Variants in SS18L2 observed in about 807,000 individuals in gnomAD.
SS18L2 encodes the protein SS18-like protein 2.
Under a neutral mutation model 10.3 loss-of-function variants are expected in SS18L2, and 8 were observed. The ratio of observed to expected loss-of-function variants is 0.78; its 90% CI spans 0.46 to 1.41. The LOEUF is 1.41. Ranked by LOEUF, SS18L2 falls within the 40% of genes most tolerant of loss-of-function variation. The pLI, the probability that SS18L2 is intolerant of heterozygous loss-of-function variation, is 0.00. For missense variants in SS18L2, 100 were observed against 96.2 expected, an observed-to-expected ratio of 1.04 and a Z score of -0.17; for synonymous variants, 41 against 34.6, an observed-to-expected ratio of 1.19 and a Z score of -0.65.
intron 2 of SS18L2, among the ~76,000 whole-genome samples, chr3:42,592,064 A>G (rs1704870904): frequency 6.6e-6 from 1 of 152,230 alleles, no homozygotes; most frequent in African/African-American, 2.4e-5. Context: ...AGACAAACAA[A>G]GGATTTACAA....
At chr3:42,584,411 C>T (rs569920692) in intron 1 of SS18L2, among the ~76,000 whole-genome samples, 13 of 152,268 alleles carry the variant, frequency 8.5e-5, no homozygotes, top group African/African-American at 1.2e-4. Context: ...TCTGCCAACA[C>T]GCCCAGCTAA....
At chr3:42,590,291 C>A (rs1704773558), upstream of SS18L2, among the ~76,000 whole-genome samples, 1 of 152,132 alleles carries the variant, frequency 6.6e-6, no homozygotes, top group African/African-American at 2.4e-5. Flanking sequence ...GTAGAGAGGA[C>A]AATGGATCTG....
At chr3:42,591,003 A>G in intron 1 of SS18L2, 37 bp downstream of exon 1, 1 of 1,556,342 alleles carries the variant, frequency 6.4e-7, no homozygotes, top group Non-Finnish European at 8.7e-7. Context: ...GGGCGGAGAG[A>G]AGTCGGGATC....
intron 2 of SS18L2, among the ~76,000 whole-genome samples, chr3:42,592,129 C>T (rs538181141): frequency 8.5e-5 from 13 of 152,112 alleles, no homozygotes; most frequent in South Asian, 2.1e-4. Flanking sequence ...TAAGTAGATA[C>T]CAAAATGAGA....
In SS18L2 at chr3:42,591,551, C is replaced by G. The variant is rs1234424586; in HGVS notation, c.96C>G (p.Ile32Met). 6.2e-7 allele frequency: 1 copy of G among 1,613,926 alleles called. No individual in the cohort carries two copies. The highest frequency in any genetic ancestry group is 8.5e-7 in the Non-Finnish European group (1 of 1,179,848). The change falls in exon 2 of 3, where the codon ATC becomes ATG. Residue 32 changes from isoleucine (I) to methionine (M), a missense_variant. Ile to Met is a conservative substitution (Grantham distance 10). Transcript: ENST00000011691. ...TCCTTGAGGAGAATGACCAGCTGATCCGCTGTATTGTGGAGTATCAGAACA... is the reference window on the plus strand; with the variant it reads ...TCCTTGAGGAGAATGACCAGCTGATGCGCTGTATTGTGGAGTATCAGAACA... ...QRLLEENDQL[I>M]RCIVEYQNKG...
chr3:42,584,898 G>T (rs190597117), intron 1 of SS18L2, among the ~76,000 whole-genome samples: 1 of 152,130 alleles, frequency 6.6e-6, no homozygotes, highest in African/African-American at 2.4e-5. Context: ...CACTTTGGGA[G>T]GCCAAGGTGG....
chr3:42,593,549 G>A (rs1358821513), intron 2 of SS18L2, among the ~76,000 whole-genome samples: 1 of 152,136 alleles, frequency 6.6e-6, no homozygotes, highest in Non-Finnish European at 1.5e-5. Context: ...GGAGGGAGGT[G>A]TCCTGGAACC....
intron 1 of SS18L2, among the ~76,000 whole-genome samples, chr3:42,583,044 T>G (rs1199360458): frequency 1.3e-5 from 2 of 151,812 alleles, no homozygotes; most frequent in Non-Finnish European, 2.9e-5. Flanking sequence ...AAACTCAGAG[T>G]TTAGAGAATA....
At chr3:42,591,782 G>A (rs1241614063) in intron 2 of SS18L2, among the ~76,000 whole-genome samples, 181 bp downstream of exon 2, 2 of 152,248 alleles carry the variant, frequency 1.3e-5, no homozygotes, top group South Asian at 2.1e-4. Flanking sequence ...AGTACACTGC[G>A]GAGCCTGGAG....
At chr3:42,592,335 G>A (rs1704879692) in intron 2 of SS18L2, among the ~76,000 whole-genome samples, 1 of 152,012 alleles carries the variant, frequency 6.6e-6, no homozygotes. Context: ...GAGTAGCTGG[G>A]ACTACAGGCG....
Position 42,596,239 on chromosome 3 carries a change from C to T in SS18L2, c.*1730C>T, listed in dbSNP as rs967833050. Among the ~76,000 whole-genome samples the T allele has an allele frequency of 4.6e-5, 7 of 152,144 alleles. No homozygotes were observed. Among genetic ancestry groups the T allele is most frequent in the African/African-American group, 1.7e-4 (7 of 41,418 alleles). The stretch of plus-strand genomic sequence containing the variant: ...GTTTCTCCATGTTGGTCAGGCTGGT[C>T]TCGTACTCACGACCTCAGGTGATCC... On this transcript the variant is annotated 3_prime_UTR_variant, in exon 3 of 3. Coordinates refer to ENST00000011691, the MANE Select transcript of SS18L2 (RefSeq NM_001370300.1).
chr3:42,594,543 G>T lies in SS18L2; in HGVS notation c.*34G>T. 5 of 1,568,184 alleles carry T rather than the reference G, an allele frequency of 3.2e-6. No homozygotes were observed. The highest frequency in any genetic ancestry group is 4.4e-6 in the Non-Finnish European group (5 of 1,139,516). On this transcript the variant is annotated 3_prime_UTR_variant, in exon 3 of 3. Coordinates refer to ENST00000011691, the MANE Select transcript of SS18L2 (RefSeq NM_001370300.1). ...AAGCAATAGAATAATCTTCCATTTG[G>T]CTGTCGTGAGGAGTAATTGAATGTA... is the stretch of plus-strand genomic sequence containing the variant.
chr3:42,584,272 T>G (rs1704538170), intron 1 of SS18L2, among the ~76,000 whole-genome samples: 1 of 152,240 alleles, frequency 6.6e-6, no homozygotes, highest in South Asian at 2.1e-4. Context: ...AGACTTTTTT[T>G]GAGGCTGAGT....
At chr3:42,590,988 C>T in intron 1 of SS18L2, 22 bp downstream of exon 1, 2 of 54,214 alleles carry the variant, frequency 3.7e-5, no homozygotes, top group Non-Finnish European at 7.3e-5. Context: ...CGCGGGCGGG[C>T]GGGCGGGCGG....
intron 1 of SS18L2, among the ~76,000 whole-genome samples, chr3:42,583,609 T>C (rs1227452608): frequency 6.6e-6 from 1 of 152,166 alleles, no homozygotes; most frequent in Non-Finnish European, 1.5e-5. Context: ...CTCAGGTAGC[T>C]GGGGGAACAT....
intron 2 of SS18L2, 45 bp from the exon 3 acceptor site, chr3:42,594,377 C>G (rs373937317): frequency 2.0e-5 from 30 of 1,482,654 alleles, no homozygotes; most frequent in Non-Finnish European, 2.8e-5. Context: ...TGTTCATGGT[C>G]GGTAAAAACA....
chr3:42,587,998 C>T (rs807863), upstream of SS18L2, among the ~76,000 whole-genome samples: 37,199 of 148,636 alleles, frequency 0.25, 5,127 homozygotes, highest in East Asian at 0.48. Flanking sequence ...GCTGGAACCC[C>T]GGAGGTGGAG....
chr3:42,585,875 C>T (rs911123316), upstream of SS18L2, among the ~76,000 whole-genome samples: 1 of 152,174 alleles, frequency 6.6e-6, no homozygotes, highest in Non-Finnish European at 1.5e-5. Context: ...GCAGCTCTCT[C>T]TCCAGCTCTC....
At chr3:42,581,920 G>A (rs997347216) in exon 1 of SS18L2, 8 of 152,422 alleles carry the variant, frequency 5.2e-5, no homozygotes, top group South Asian at 2.1e-4. Context: ...TTAGCCGACC[G>A]GGAGGGCTCG....
Sources: allele counts gnomAD v4.1 joint callset (sites outside exome capture counted in the v4.1 genomes callset), GRCh38; gene constraint gnomAD v4.1.1; transcripts MANE v1.5; gene names NCBI Gene and HGNC (gene_info 2026-07-23, HGNC 2026-07-21).